SLC22A23: variants seen among roughly 807,000 people sequenced by gnomAD.
SLC22A23 encodes solute carrier family 22 member 23.
Under a neutral mutation model 61.0 loss-of-function variants are expected in SLC22A23, and 26 were observed. The ratio of observed to expected loss-of-function variants is 0.43; its 90% confidence interval spans 0.31 to 0.59. The LOEUF is 0.59. SLC22A23 is among the 20% of genes least tolerant of loss of function. The pLI is 0.11. For synonymous variants in SLC22A23, 430 were observed against 413.9 expected (o/e 1.04, Z -0.47); for missense variants, 796 against 934.7 (o/e 0.85, Z 1.94).
intron 7 of SLC22A23, 100 bp from the exon 8 acceptor site, chr6:3,285,211 C>T: frequency 6.5e-7 from 1 of 1,527,880 alleles, no homozygotes; most frequent in East Asian, 2.4e-5. Context: ...AGCGTGTTCC[C>T]ATGCGACTTG....
At chr6:3,294,452 TCATA>T (rs1206095088) in intron 5 of SLC22A23, among the ~76,000 whole-genome samples, 1 of 152,172 alleles carries the variant, frequency 6.6e-6, no homozygotes, top group African/African-American at 2.4e-5. Flanking sequence ...CCAGTAAGTA[TCATA>T]CAAATATCCC....
intron 9 of SLC22A23, among the ~76,000 whole-genome samples, chr6:3,279,438 G>T (rs1381450739): frequency 1.4e-5 from 2 of 143,854 alleles, no homozygotes; most frequent in African/African-American, 5.1e-5. Flanking sequence ...TTGAACCAGG[G>T]AGTTGGAGGT....
At chr6:3,405,039 T>C (rs932229839) in intron 3 of SLC22A23, among the ~76,000 whole-genome samples, 29 of 151,632 alleles carry the variant, frequency 1.9e-4, no homozygotes, top group African/African-American at 7.0e-4. Flanking sequence ...GGCGGGCGGA[T>C]CACGAGGTCA....
At chr6:3,275,725 G>A (rs1758831008) in intron 9 of SLC22A23, among the ~76,000 whole-genome samples, 1 of 152,192 alleles carries the variant, frequency 6.6e-6, no homozygotes, top group African/African-American at 2.4e-5. Context: ...TGGGACTATA[G>A]GCGCGTGCCA....
intron 1 of SLC22A23, among the ~76,000 whole-genome samples, chr6:3,436,158 CT>C (rs34233176): frequency 0.16 from 24,596 of 149,084 alleles, 2,039 homozygotes; most frequent in Non-Finnish European, 0.18. Flanking sequence ...GTCATCTATA[CT>C]TTTTTTTTTT....
At chr6:3,354,228 A>G (rs772580317) in intron 3 of SLC22A23, among the ~76,000 whole-genome samples, 1 of 152,266 alleles carries the variant, frequency 6.6e-6, no homozygotes, top group African/African-American at 2.4e-5. Context: ...ACGGAGAGGC[A>G]GTCAGGGCAT....
chr6:3,273,483 G>A (rs564541060), intron 9 of SLC22A23, 71 bp from the exon 10 acceptor site: 29 of 1,545,738 alleles, frequency 1.9e-5, no homozygotes, highest in African/African-American at 1.5e-4. Flanking sequence ...AGCTCGGGGT[G>A]GACCAGGAAG....
intron 3 of SLC22A23, among the ~76,000 whole-genome samples, chr6:3,381,818 ACG>A (rs1223878418): frequency 6.6e-6 from 1 of 152,154 alleles, no homozygotes. Context: ...TCCCTCAGCC[ACG>A]CTCCTTTCAG....
At chr6:3,273,852 G>A (rs1317730820) in intron 9 of SLC22A23, among the ~76,000 whole-genome samples, 1 of 152,158 alleles carries the variant, frequency 6.6e-6, no homozygotes, top group Admixed American at 6.5e-5. Context: ...GTTAAAGAGG[G>A]TACTAAGGAC....
At chr6:3,292,039 T>A (rs1760644954) in intron 5 of SLC22A23, 1 of 152,200 alleles carries the variant, frequency 6.6e-6, no homozygotes, top group Admixed American at 6.5e-5. Flanking sequence ...TGGAATTAGA[T>A]TAACCTTTCC....
At position 3,410,281 on chromosome 6, in the gene SLC22A23, C is replaced by T; in HGVS notation, c.820G>A (p.Val274Met). 1 of 1,613,942 alleles carries T rather than the reference C, an allele frequency of 6.2e-7. No homozygotes were observed. Residue 274 changes from valine (V) to methionine (M), a missense_variant, in exon 3 of 10, where the codon GTG becomes ATG. Physicochemically the swap from Val to Met is conservative, Grantham distance 21 (BLOSUM62 1). Coordinates refer to ENST00000406686, the MANE Select transcript of SLC22A23 (RefSeq NM_015482.2). The surrounding 1 kb of genome is among the most constrained non-coding windows in gnomAD (Gnocchi z 5.0). ...ATTGTCACATTCACTGACAGTGCCA[C>T]AGTCAGTCCAAAGATCAGAATGAAG... is the stretch of plus-strand genomic sequence containing the variant. ...IIFILIFGLTVALSVNVTMFS... is the reference protein window; with the variant it reads ...IIFILIFGLTMALSVNVTMFS...
rs1195833849 is a variant in SLC22A23, at chr6:3,322,950, A to C, written c.1082+884T>G. Among the ~76,000 whole-genome samples the C allele has an allele frequency of 6.6e-6, 1 of 152,202 alleles. No homozygotes were observed. The highest frequency in any genetic ancestry group is 2.4e-5 in the African/African-American group (1 of 41,448). On this transcript the variant is annotated intron_variant, in intron 4 of 9. Transcript: ENST00000406686. The surrounding 1 kb of genome is among the most constrained non-coding windows in gnomAD (Gnocchi z 4.1). ...GGATGGGAAGGAAGGGAAAGGATGA[A>C]AAACAGCATTTATAAAAAGGTAAAA...
intron 1 of SLC22A23, chr6:3,432,142 T>G: frequency 1.1e-6 from 1 of 925,090 alleles, no homozygotes; most frequent in Non-Finnish European, 1.3e-6. Flanking sequence ...GGTTCCTCAG[T>G]GTAGAGGCGG....
intron 4 of SLC22A23, among the ~76,000 whole-genome samples, chr6:3,305,040 A>G (rs766982737): frequency 5.3e-5 from 8 of 152,086 alleles, no homozygotes; most frequent in South Asian, 4.1e-4. Flanking sequence ...CCTTAGCTAC[A>G]TGACCATCTC....
intron 3 of SLC22A23, among the ~76,000 whole-genome samples, chr6:3,339,427 G>A (rs1283888059): frequency 6.6e-6 from 1 of 152,168 alleles, no homozygotes; most frequent in Non-Finnish European, 1.5e-5. Context: ...AATTCATAAT[G>A]TCAGAGGCAT....
chr6:3,389,612 A>G (rs936459536), intron 3 of SLC22A23, among the ~76,000 whole-genome samples: 9 of 152,146 alleles, frequency 5.9e-5, no homozygotes, highest in African/African-American at 2.2e-4. Context: ...GCCCGGCCTC[A>G]CCACCATTTC....
chr6:3,311,735 A>G lies in SLC22A23; in HGVS notation c.1082+12099T>C, dbSNP rs1363521710. 4 of 152,324 alleles carry G rather than the reference A, an allele frequency of 2.6e-5. No individual in the cohort carries two copies. In the East Asian group the frequency reaches 7.7e-4, roughly 29 times the overall value. 9.4% of individuals were successfully genotyped at this position (152,324 alleles called of 1,614,324 possible). ...TCATAATTTAAATGACTATGCTGCTAATTTATCTGTTACAAAAGCTCAGAA... is the reference window on the plus strand; with the variant it reads ...TCATAATTTAAATGACTATGCTGCTGATTTATCTGTTACAAAAGCTCAGAA... On this transcript the variant is annotated intron_variant, in intron 4 of 9. Transcript: ENST00000406686.
At chr6:3,279,170 CTT>C (rs1194465218) in intron 9 of SLC22A23, among the ~76,000 whole-genome samples, 1 of 151,912 alleles carries the variant, frequency 6.6e-6, no homozygotes, top group African/African-American at 2.4e-5. Context: ...TGGAATATAT[CTT>C]TTTATTTTTT....
rs1158029235 is a variant in SLC22A23 at position 3,317,676 on chromosome 6, T to C, written c.1082+6158A>G. Among the ~76,000 whole-genome samples, 1 of 152,198 alleles carries C rather than the reference T, an allele frequency of 6.6e-6. No individual in the cohort carries two copies. The highest frequency in any genetic ancestry group is 1.5e-5 in the Non-Finnish European group (1 of 68,032). On this transcript the variant is annotated intron_variant, in intron 4 of 9. Coordinates refer to ENST00000406686, the MANE Select transcript of SLC22A23 (RefSeq NM_015482.2). This position sits in a 1 kb window ranked among gnomAD's most constrained non-coding sequence, Gnocchi z 4.4. ...AAAATGACTAAAGATGCATTTCTCT[T>C]CAGGCATCTGCGTCCATCAGTGCAA...
Sources: allele counts gnomAD v4.1 joint callset (sites outside exome capture counted in the v4.1 genomes callset), GRCh38; gene constraint gnomAD v4.1.1; non-coding constraint Gnocchi (gnomAD v3.1); transcripts MANE v1.5; gene names NCBI Gene and HGNC (gene_info 2026-07-23, HGNC 2026-07-21).